The following PDE8B variants were observed in gnomAD, a reference collection of about 807,000 sequenced individuals.
PDE8B encodes high affinity cAMP-specific and IBMX-insensitive 3',5'-cyclic phosphodiesterase 8B.
In PDE8B, 26 loss-of-function variants were observed where a neutral mutation model predicts 101.3. The observed-to-expected ratio is 0.26, with a 90% CI of 0.19 to 0.36. The LOEUF (loss-of-function observed/expected upper bound fraction) is 0.36, where lower values mean the gene tolerates loss of function less well. Ranked by LOEUF, PDE8B falls within the 10% of genes least tolerant of loss-of-function variation. The pLI, the probability that PDE8B is intolerant of heterozygous loss-of-function variation, is 1.00. For synonymous variants in PDE8B, 424 were observed against 429.3 expected, an observed-to-expected ratio of 0.99 and a Z score of 0.15; for missense variants, 810 against 1,163.1, an observed-to-expected ratio of 0.70 and a Z score of 4.42.
At chr5:77,092,278 T>C in the PDE8B span, among the ~76,000 whole-genome samples, 1 of 152,220 alleles carries the variant, frequency 6.6e-6, no homozygotes, top group Non-Finnish European at 1.5e-5. Context: ...TCTTAAATTT[T>C]CGTGTAATCA....
chr5:77,241,332 T>C (rs1397062935), intron 1 of PDE8B, among the ~76,000 whole-genome samples: 4 of 152,170 alleles, frequency 2.6e-5, no homozygotes, highest in African/African-American at 9.7e-5. Context: ...GAACCTTAAT[T>C]GATGTTTAAT....
intron 1 of PDE8B, among the ~76,000 whole-genome samples, chr5:77,311,261 A>G (rs189581777): frequency 1.3e-4 from 20 of 152,282 alleles, no homozygotes; most frequent in Admixed American, 9.1e-4. Flanking sequence ...AAAGACAAAT[A>G]TTTGCTTTAT....
intron 6 of PDE8B, among the ~76,000 whole-genome samples, chr5:77,338,102 C>A (rs1176330207): frequency 6.6e-6 from 1 of 152,226 alleles, no homozygotes; most frequent in Non-Finnish European, 1.5e-5. Context: ...GAGCTTCAGG[C>A]TGTGTGATGC....
chr5:77,322,080 T>C (rs952812097), intron 2 of PDE8B, among the ~76,000 whole-genome samples: 2 of 152,142 alleles, frequency 1.3e-5, no homozygotes, highest in Admixed American at 6.5e-5. Context: ...TGAGCAGGGT[T>C]AGGCTAGGCT....
chr5:77,270,686 C>T (rs1762597443), intron 1 of PDE8B, among the ~76,000 whole-genome samples: 1 of 152,186 alleles, frequency 6.6e-6, no homozygotes. Context: ...TTTCCGGGCT[C>T]TTGTTATTAA....
At position 77,325,602 on chromosome 5, in the gene PDE8B, G is replaced by A. The variant is rs1222603493; in HGVS notation, c.463G>A (p.Ala155Thr). 6 of 1,613,928 alleles carry A rather than the reference G, an allele frequency of 3.7e-6. No individual in the cohort carries two copies. Among genetic ancestry groups the A allele is most frequent in the Non-Finnish European group, 5.1e-6 (6 of 1,179,898 alleles). Reference sequence around the variant, plus strand: ...TGGCTTCTGGTGGGCCTGCGACAGAGCTGGTTATAGATGCAATATTGCTCG... The same window carrying A: ...TGGCTTCTGGTGGGCCTGCGACAGAACTGGTTATAGATGCAATATTGCTCG... ...SDGFWWACDR[A>T]GYRCNIARTP... The change falls in exon 3 of 22, where the codon GCT becomes ACT. Residue 155 changes from alanine (A) to threonine (T), a missense_variant. Around this residue, in one of 4 missense-constraint regions of PDE8B, gnomAD observed 251 missense variants for 378.8 expected, o/e 0.66. Coordinates refer to ENST00000264917, the MANE Select transcript of PDE8B (RefSeq NM_003719.5).
chr5:77,127,579 T>C, the PDE8B span, among the ~76,000 whole-genome samples: 1 of 152,108 alleles, frequency 6.6e-6, no homozygotes, highest in Non-Finnish European at 1.5e-5. Context: ...AACTATTTCC[T>C]ACTGCAGCAG....
chr5:77,200,711 C>T, the PDE8B span, among the ~76,000 whole-genome samples: 1 of 152,180 alleles, frequency 6.6e-6, no homozygotes, highest in Non-Finnish European at 1.5e-5. Flanking sequence ...TGCAAATTCT[C>T]AGGCCTCGCA....
chr5:77,212,141 A>G (rs1748583585), intron 1 of PDE8B, among the ~76,000 whole-genome samples: 1 of 152,232 alleles, frequency 6.6e-6, no homozygotes, highest in Non-Finnish European at 1.5e-5. Context: ...CGTTAAATCC[A>G]AGAGGCTTTT....
At chr5:77,326,221 AG>A (rs1776027987) in intron 3 of PDE8B, among the ~76,000 whole-genome samples, 2 of 152,212 alleles carry the variant, frequency 1.3e-5, no homozygotes, top group South Asian at 4.1e-4. Flanking sequence ...AAAATCTTCC[AG>A]GGACCAAAAC....
the PDE8B span, chr5:77,139,650 C>T: frequency 6.6e-6 from 1 of 152,144 alleles, no homozygotes; most frequent in Non-Finnish European, 1.5e-5. Context: ...CATTGTTTTT[C>T]CATTTTTACT....
intron 1 of PDE8B, among the ~76,000 whole-genome samples, chr5:77,212,269 T>C (rs1218063504): frequency 6.6e-6 from 1 of 152,180 alleles, no homozygotes; most frequent in Non-Finnish European, 1.5e-5. Flanking sequence ...TCACAGCCTT[T>C]ACCTGGTCAA....
chr5:77,340,686 G>A (rs1167116812), intron 6 of PDE8B, among the ~76,000 whole-genome samples: 1 of 151,420 alleles, frequency 6.6e-6, no homozygotes, highest in Non-Finnish European at 1.5e-5. Context: ...AAGGGACACA[G>A]GAGATAATGT....
At chr5:77,121,894 A>G in the PDE8B span, among the ~76,000 whole-genome samples, 1 of 152,286 alleles carries the variant, frequency 6.6e-6, no homozygotes, top group South Asian at 2.1e-4. Flanking sequence ...TCACCTTTGC[A>G]CTTCTTAGGA....
the PDE8B span, among the ~76,000 whole-genome samples, chr5:77,192,682 T>G: frequency 3.3e-5 from 5 of 152,218 alleles, no homozygotes; most frequent in Non-Finnish European, 7.3e-5. Flanking sequence ...CTTATTTCTC[T>G]TGGGTAAGTG....
chr5:77,292,870 T>A lies in PDE8B; in HGVS notation c.340-19124T>A, dbSNP rs1056240392. 1.0e-3 allele frequency among the ~76,000 whole-genome samples: 156 copies of A among 152,284 alleles called. 1 individual carries two copies. Among genetic ancestry groups the A allele is most frequent in the African/African-American group, 3.6e-3 (148 of 41,574 alleles). On this transcript the variant is annotated intron_variant, in intron 1 of 21. Transcript: ENST00000264917. ...GTTTTTCTTACTAAAAACCTAACAA[T>A]CTTTTCTTGGTTTATGTCTTTGATG...
chr5:77,410,423 C>T (rs988634379), intron 14 of PDE8B: 7 of 152,228 alleles, frequency 4.6e-5, no homozygotes, highest in African/African-American at 1.2e-4. Context: ...GGTAAACTGC[C>T]GTGGCATGCT....
At chr5:77,278,652 G>A (rs958239888) in intron 1 of PDE8B, among the ~76,000 whole-genome samples, 5 of 152,120 alleles carry the variant, frequency 3.3e-5, no homozygotes, top group South Asian at 4.2e-4. Flanking sequence ...TGTGTTTTTA[G>A]TAGAGACGGG....
the PDE8B span, among the ~76,000 whole-genome samples, chr5:77,172,919 T>G: frequency 2.0e-5 from 3 of 152,316 alleles, no homozygotes; most frequent in South Asian, 2.1e-4. Flanking sequence ...CCAAACAGTA[T>G]GTAAGCAAAT....
Sources: gnomAD v4.1 joint callset for allele counts (sites outside exome capture counted in the v4.1 genomes callset) on GRCh38, gnomAD v4.1.1 for gene constraint, gnomAD v4.1.1 regional missense constraint, MANE v1.5 for transcripts, NCBI Gene and HGNC (gene_info 2026-07-23, HGNC 2026-07-21) for gene names.